Variants in MISFA observed in about 807,000 individuals in gnomAD.
MISFA encodes the protein mitochondrial sheath formation-associated protein.
chr11:18,609,526 C>T, the MISFA span: 3 of 231,022 alleles, frequency 1.3e-5, no homozygotes, highest in Non-Finnish European at 1.7e-5. Context: ...CTTTTTTTTC[C>T]TTTCAAAGTA....
At chr11:18,601,588 T>C in the MISFA span, 17 of 398,292 alleles carry the variant, frequency 4.3e-5, no homozygotes, top group African/African-American at 2.1e-4. Context: ...TTTTTTTATT[T>C]TTTTAGAGAC....
At chr11:18,603,647 A>G in the MISFA span, 2 of 397,486 alleles carry the variant, frequency 5.0e-6, no homozygotes, top group Non-Finnish European at 8.9e-6. Flanking sequence ...GATCAGAGGC[A>G]TTAGGTGAGA....
chr11:18,601,641 C>T, the MISFA span: 1 of 395,928 alleles, frequency 2.5e-6, no homozygotes, highest in Non-Finnish European at 4.4e-6. Flanking sequence ...AACTCCAGGC[C>T]TCAAGTGGTC....
chr11:18,605,007 C>T, the MISFA span, among the ~76,000 whole-genome samples: 2 of 152,102 alleles, frequency 1.3e-5, no homozygotes, highest in Admixed American at 6.5e-5. Context: ...CTTTGGGAGG[C>T]CGAGGCAGGC....
At chr11:18,606,679 T>C in the MISFA span, 79 of 410,134 alleles carry the variant, frequency 1.9e-4, no homozygotes, top group African/African-American at 1.6e-3. Flanking sequence ...ATATATTCAA[T>C]ACATTGAAAA....
chr11:18,600,265 G>A, the MISFA span, among the ~76,000 whole-genome samples: 1 of 151,870 alleles, frequency 6.6e-6, no homozygotes, highest in Non-Finnish European at 1.5e-5. Context: ...GTGCAGTGGC[G>A]CGATCTCGGC....
chr11:18,601,289 A>G, the MISFA span: 2 of 398,034 alleles, frequency 5.0e-6, no homozygotes, highest in Non-Finnish European at 8.8e-6. Flanking sequence ...AATATAATAA[A>G]CTGTGGAAGG....
At chr11:18,606,760 G>A in the MISFA span, 1 of 387,598 alleles carries the variant, frequency 2.6e-6, no homozygotes, top group Non-Finnish European at 4.9e-6. Flanking sequence ...CTATATCTCA[G>A]AAATTTACCA....
chr11:18,606,394 G>C, the MISFA span: 1 of 175,626 alleles, frequency 5.7e-6, no homozygotes, highest in Non-Finnish European at 1.2e-5. Flanking sequence ...ATGCAAACCA[G>C]CAAAAATATC....
At chr11:18,601,298 G>A in the MISFA span, 5 of 397,924 alleles carry the variant, frequency 1.3e-5, no homozygotes, top group African/African-American at 2.1e-5. Context: ...AACTGTGGAA[G>A]GGGAAATGAT....
the MISFA span, chr11:18,602,952 G>T: frequency 5.1e-6 from 2 of 393,202 alleles, no homozygotes; most frequent in Non-Finnish European, 9.0e-6. Flanking sequence ...CCCCTAAATG[G>T]CCATGAGGAG....
the MISFA span, chr11:18,607,531 A>G: frequency 6.6e-6 from 1 of 152,654 alleles, no homozygotes; most frequent in East Asian, 1.9e-4. Context: ...TCCAAAAATC[A>G]AAACAGTAGA....
chr11:18,602,297 G>A, the MISFA span: 1 of 152,320 alleles, frequency 6.6e-6, no homozygotes, highest in African/African-American at 2.4e-5. Context: ...GGAGCAGAAG[G>A]TTTTTTGGAA....
the MISFA span, chr11:18,603,676 C>T: frequency 4.5e-5 from 18 of 398,212 alleles, no homozygotes; most frequent in Non-Finnish European, 7.5e-5. Context: ...GAGGTAACCT[C>T]CCCTGCCAGT....
the MISFA span, chr11:18,599,884 C>T: frequency 2.0e-5 from 8 of 398,726 alleles, no homozygotes. Flanking sequence ...GGTGAATAGT[C>T]TTTCACTGTG....
the MISFA span, chr11:18,609,625 C>T: frequency 1.9e-6 from 1 of 517,882 alleles, no homozygotes; most frequent in Non-Finnish European, 3.4e-6. Context: ...CATCTGTGAA[C>T]AGTTAACTTC....
the MISFA span, chr11:18,601,678 G>A: frequency 7.0e-4 from 276 of 396,002 alleles, 2 homozygotes; most frequent in African/African-American, 4.4e-3. Context: ...CCAGAGTGCT[G>A]GGATTGCAGG....
the MISFA span, chr11:18,603,996 G>C: frequency 3.5e-6 from 1 of 282,924 alleles, no homozygotes; most frequent in Admixed American, 7.8e-5. Context: ...GCGCGATCTC[G>C]GCTCACTGCA....
chr11:18,602,944 C>G, the MISFA span: 1 of 392,580 alleles, frequency 2.5e-6, no homozygotes, highest in Non-Finnish European at 4.5e-6. Flanking sequence ...GCTCTGCCCC[C>G]CTAAATGGCC....
Sources: gnomAD v4.1 joint callset for allele counts (sites outside exome capture counted in the v4.1 genomes callset) on GRCh38, gnomAD v4.1.1 for gene constraint, MANE v1.5 for transcripts, NCBI Gene and HGNC (gene_info 2026-07-23, HGNC 2026-07-21) for gene names.